CCDC7: variants seen among roughly 807,000 people sequenced by gnomAD.
CCDC7 encodes the protein coiled-coil domain-containing protein 7.
In CCDC7, 183 loss-of-function variants were observed where a neutral mutation model predicts 196.9. The ratio of observed to expected loss-of-function variants is 0.93; its 90% CI spans 0.82 to 1.05. The LOEUF (loss-of-function observed/expected upper bound fraction) is 1.05, where lower values mean the gene tolerates loss of function less well. Among genes scored for constraint, CCDC7 ranks in the 50% least tolerant of loss-of-function variants. The pLI, the probability that CCDC7 is intolerant of heterozygous loss-of-function variation, is 0.00. For synonymous variants in CCDC7, 525 were observed against 484.6 expected, an observed-to-expected ratio of 1.08 and a Z score of -1.10; for missense variants, 1,540 against 1,482.2, an observed-to-expected ratio of 1.04 and a Z score of -0.64.
chr10:32,747,746 T>TA (rs1455888848), intron 28 of CCDC7, among the ~76,000 whole-genome samples: 2 of 152,282 alleles, frequency 1.3e-5, no homozygotes, highest in Non-Finnish European at 2.9e-5. Context: ...AGGGAAGGCT[T>TA]ATACACTGCT....
At chr10:32,692,672 T>A (rs1387633067) in intron 23 of CCDC7, among the ~76,000 whole-genome samples, 1 of 152,190 alleles carries the variant, frequency 6.6e-6, no homozygotes, top group Admixed American at 6.5e-5. Context: ...AGTTTTTGAG[T>A]TGGTCTATTA....
intron 18 of CCDC7, among the ~76,000 whole-genome samples, chr10:32,621,540 G>A (rs2063412372): frequency 6.6e-6 from 1 of 152,140 alleles, no homozygotes; most frequent in African/African-American, 2.4e-5. Flanking sequence ...CATGATAATG[G>A]ATGCTGAGAA....
chr10:32,641,037 G>A (rs1352946554), intron 20 of CCDC7, among the ~76,000 whole-genome samples: 1 of 152,118 alleles, frequency 6.6e-6, no homozygotes, highest in African/African-American at 2.4e-5. Flanking sequence ...TACTCTGATG[G>A]TCTTCCCTTT....
chr10:32,860,097 A>C (rs950704896), intron 41 of CCDC7, among the ~76,000 whole-genome samples: 1 of 152,124 alleles, frequency 6.6e-6, no homozygotes, highest in South Asian at 2.1e-4. Flanking sequence ...AAAACCTGGC[A>C]GAGACAATAG....
At chr10:32,865,424 C>T (rs1260915265) in intron 41 of CCDC7, among the ~76,000 whole-genome samples, 2 of 151,534 alleles carry the variant, frequency 1.3e-5, no homozygotes, top group African/African-American at 4.8e-5. Context: ...CACACACACA[C>T]ACACACACGA....
chr10:32,744,150 A>G (rs906062014), intron 28 of CCDC7, among the ~76,000 whole-genome samples: 98 of 146,716 alleles, frequency 6.7e-4, no homozygotes, highest in Admixed American at 4.1e-3. Context: ...AAAAAAAAAG[A>G]AAAAAAAAAG....
chr10:32,741,840 C>G (rs1464474587), intron 28 of CCDC7, among the ~76,000 whole-genome samples: 1 of 152,238 alleles, frequency 6.6e-6, no homozygotes, highest in South Asian at 2.1e-4. Flanking sequence ...TGCTTTACCT[C>G]TTTTGATGTT....
intron 20 of CCDC7, among the ~76,000 whole-genome samples, chr10:32,660,014 C>T (rs187533177): frequency 1.3e-5 from 2 of 152,266 alleles, no homozygotes; most frequent in African/African-American, 4.8e-5. Context: ...CCTATAAAGA[C>T]GTGTGCACAT....
chr10:32,776,417 A>T (rs2134202709), intron 28 of CCDC7, among the ~76,000 whole-genome samples: 1 of 152,038 alleles, frequency 6.6e-6, no homozygotes, highest in Non-Finnish European at 1.5e-5. Flanking sequence ...CTTGCTCTTT[A>T]TGCTATCCCT....
intron 31 of CCDC7, among the ~76,000 whole-genome samples, chr10:32,817,654 C>A (rs1157599318): frequency 5.3e-5 from 8 of 152,220 alleles, no homozygotes; most frequent in Admixed American, 5.2e-4. Context: ...AGAAACTCTA[C>A]AAGCCAGAAG....
At chr10:32,472,804 C>T (rs1031413894) in intron 7 of CCDC7, among the ~76,000 whole-genome samples, 5 of 151,930 alleles carry the variant, frequency 3.3e-5, no homozygotes, top group African/African-American at 7.3e-5. Flanking sequence ...CTATGTCGCC[C>T]AGGCTGGTCT....
intron 13 of CCDC7, among the ~76,000 whole-genome samples, chr10:32,551,599 T>C (rs1407477214): frequency 2.6e-5 from 4 of 152,176 alleles, no homozygotes; most frequent in Non-Finnish European, 4.4e-5. Context: ...GGTTGTGTCA[T>C]TATTGTCATT....
At chr10:32,513,204 TAATAAGGGAATACTATG>T in intron 9 of CCDC7, 1 of 152,204 alleles carries the variant, frequency 6.6e-6, no homozygotes, top group East Asian at 1.9e-4. Context: ...GGTAAATGGA[TAATAAGGGAATACTATG>T]AATAACTATG....
At chr10:32,702,425 G>A (rs1362576861) in intron 24 of CCDC7, among the ~76,000 whole-genome samples, 1 of 152,188 alleles carries the variant, frequency 6.6e-6, no homozygotes, top group Non-Finnish European at 1.5e-5. Context: ...TTGCTGAGGA[G>A]TGCTTTACTT....
At chr10:32,821,823 A>AG (rs1248927880) in intron 31 of CCDC7, among the ~76,000 whole-genome samples, 1 of 144,378 alleles carries the variant, frequency 6.9e-6, no homozygotes, top group Non-Finnish European at 1.5e-5. Flanking sequence ...GGGTGGGGGT[A>AG]GGGGGAGGGA....
In CCDC7 at chr10:32,822,632, G is replaced by C. The variant is rs142943325; in HGVS notation, c.3182-1886G>C. Among the ~76,000 whole-genome samples the C allele has an allele frequency of 7.9e-3, 1,205 of 152,146 alleles. 7 individuals carry two copies. The highest frequency in any genetic ancestry group is 0.021 in the Middle Eastern group (6 of 286). On this transcript the variant is annotated intron_variant, in intron 31 of 41. Transcript: ENST00000639629. The stretch of plus-strand genomic sequence containing the variant: ...CAAAAACTGGGGAAAGAGAATAAAG[G>C]TATATATAAAGGAGTAATGTTTCTG...
At chr10:32,642,442 T>A (rs1335059767) in intron 20 of CCDC7, among the ~76,000 whole-genome samples, 17 of 152,198 alleles carry the variant, frequency 1.1e-4, no homozygotes, top group Non-Finnish European at 1.5e-5. Flanking sequence ...CGTAGGACCC[T>A]CCGAGCCAGG....
chr10:32,449,198 A>G (rs2032296723), upstream of CCDC7, among the ~76,000 whole-genome samples: 1 of 151,642 alleles, frequency 6.6e-6, no homozygotes, highest in African/African-American at 2.4e-5. Context: ...ATATTTATTT[A>G]TTTATTTGAG....
chr10:32,539,010 G>A (rs1337048524), intron 11 of CCDC7, among the ~76,000 whole-genome samples: 2 of 152,152 alleles, frequency 1.3e-5, no homozygotes, highest in African/African-American at 4.8e-5. Flanking sequence ...GAATGAGTTA[G>A]GGAGGAGTCC....
Sources: allele counts gnomAD v4.1 joint callset (sites outside exome capture counted in the v4.1 genomes callset), GRCh38; gene constraint gnomAD v4.1.1; transcripts MANE v1.5; gene names NCBI Gene and HGNC (gene_info 2026-07-23, HGNC 2026-07-21).